The following ADPRHL1 variants were observed in gnomAD, a reference collection of about 807,000 sequenced individuals.
ADPRHL1 encodes the protein ADP-ribosylhydrolase like 1.
ADPRHL1 carries 43 observed loss-of-function variants against 44.1 expected under a neutral mutation model. The ratio of observed to expected loss-of-function variants is 0.98; its 90% CI spans 0.76 to 1.26. ADPRHL1 has a LOEUF of 1.26. ADPRHL1 is among the 50% of genes most tolerant of loss of function. The pLI, the probability that ADPRHL1 is intolerant of heterozygous loss-of-function variation, is 0.00. For synonymous variants in ADPRHL1, 878 were observed against 1,017.4 expected (o/e 0.86, Z 2.61); for missense variants, 2,022 against 2,496.9 (o/e 0.81, Z 4.05).
At chr13:113,449,877 G>A (rs2044167790) in intron 1 of ADPRHL1, among the ~76,000 whole-genome samples, 1 of 152,242 alleles carries the variant, frequency 6.6e-6, no homozygotes. Context: ...ACAGGGGCCA[G>A]ATTCTCTGGT....
intron 7 of ADPRHL1, among the ~76,000 whole-genome samples, chr13:113,418,569 A>ATG (rs1491292406): frequency 2.0e-5 from 3 of 152,218 alleles, no homozygotes; most frequent in Non-Finnish European, 4.4e-5. Flanking sequence ...AAGTCTAAAC[A>ATG]TGTGTGTGTT....
At chr13:113,438,750 C>T (rs1203676685) in intron 2 of ADPRHL1, among the ~76,000 whole-genome samples, 1 of 152,132 alleles carries the variant, frequency 6.6e-6, no homozygotes, top group Admixed American at 6.5e-5. Flanking sequence ...GCTGGAACTC[C>T]TGGGTCCAAG....
In ADPRHL1 at chr13:113,400,723, G is replaced by C. The variant is rs2043754791; in HGVS notation, c.*2655C>G. 1 of 152,244 alleles carries C rather than the reference G, an allele frequency of 6.6e-6. No individual in the cohort carries two copies. The allele number at this position is 152,244 out of a possible 1,614,324, so 9.4% of individuals were successfully genotyped here. A position where few individuals can be genotyped will look rare whatever the true frequency, so the allele number is the denominator to read the frequency against. ...GCAGTTTTTTCCTGCACACAGAGTA[G>C]CTGTGCTGTTTTTGAGCTGAGGGCA... On this transcript the variant is annotated 3_prime_UTR_variant, in exon 8 of 8. Transcript: ENST00000612156.
rs1257095454 is a variant in ADPRHL1, at chr13:113,408,092, G to A, written c.1190C>T (p.Thr397Met). Reference sequence around the variant, plus strand: ...CCCCGGGGGCCGGTCTGCGCGGCCCGTGACGTAGAGCAGCAGGCTGCTGAG... The same window carrying A: ...CCCCGGGGGCCGGTCTGCGCGGCCCATGACGTAGAGCAGCAGGCTGCTGAG... ...SILSSLLLYV[T>M]GRADRPPGTE... The change falls in exon 8 of 8, where the codon ACG becomes ATG. Residue 397 changes from threonine (T) to methionine (M), a missense_variant. Coordinates refer to ENST00000612156, the MANE Select transcript of ADPRHL1 (RefSeq NM_001394807.1). The A allele has an allele frequency of 3.2e-6, 4 of 1,231,890 alleles. No individual in the cohort carries two copies. The Admixed American group carries it at 1.3e-4, about 39-fold the overall frequency. The allele number at this position is 1,231,890 out of a possible 1,614,324, so 76.3% of individuals were successfully genotyped here.
chr13:113,444,910 A>G (rs1293153162), intron 1 of ADPRHL1, among the ~76,000 whole-genome samples: 3 of 152,188 alleles, frequency 2.0e-5, no homozygotes, highest in Non-Finnish European at 4.4e-5. Context: ...GGCGTGAGCC[A>G]CTGCACCCAG....
intron 7 of ADPRHL1, among the ~76,000 whole-genome samples, chr13:113,420,743 A>G (rs1225968017): frequency 6.6e-6 from 1 of 151,976 alleles, no homozygotes; most frequent in African/African-American, 2.4e-5. Context: ...TGCAGCATAG[A>G]AGGCCACGGA....
At position 113,405,396 on chromosome 13, in the gene ADPRHL1, C is replaced by G; in HGVS notation, c.3886G>C (p.Ala1296Pro). The G allele has an allele frequency of 8.1e-7, 1 of 1,231,986 alleles. No individual in the cohort carries two copies. The highest frequency in any genetic ancestry group is 4.1e-5 in the South Asian group (1 of 24,326). The allele number at this position is 1,231,986 out of a possible 1,614,324, so 76.3% of individuals were successfully genotyped here. A position where few individuals can be genotyped will look rare whatever the true frequency, so the allele number is the denominator to read the frequency against. The change falls in exon 8 of 8, where the codon GCA becomes CCA. Residue 1296 changes from alanine to proline, a missense_variant. Transcript: ENST00000612156. ...LPPSPPENPQ[A>P]KGREGVRFPR... ...AACCTGACGCCCTCCCTGCCCTTTG[C>G]CTGTGGGTTCTCAGGAGGCGACGGC...
At chr13:113,448,968 G>T in intron 1 of ADPRHL1, 1 of 985,708 alleles carries the variant, frequency 1.0e-6, no homozygotes, top group South Asian at 4.7e-5. Context: ...GTGCGAGGCC[G>T]CCCCTCCCCA....
In ADPRHL1 at chr13:113,433,769, C is replaced by G; in HGVS notation, c.478G>C (p.Gly160Arg). ...GTGGGATGGTTGTGGGTCATCCGGC[C>G]GCACTCCACGCTGACCTCGATGAGG... ...ETLIEVSVEC[G>R]RMTHNHPTGF... The change falls in exon 3 of 8, where the codon GGC (glycine) becomes CGC (arginine). Residue 160 changes from glycine to arginine, a missense_variant. By Grantham distance (125) the Gly-to-Arg change is moderately radical (BLOSUM62 -2). Around this residue, in one of 8 missense-constraint regions of ADPRHL1, gnomAD observed 437 missense variants for 430.7 expected, o/e 1.01. Coordinates refer to ENST00000612156, the MANE Select transcript of ADPRHL1 (RefSeq NM_001394807.1). 1 of 1,595,478 alleles carries G rather than the reference C, an allele frequency of 6.3e-7. No homozygotes were observed. Among genetic ancestry groups the G allele is most frequent in the Non-Finnish European group, 8.5e-7 (1 of 1,172,840 alleles).
chr13:113,408,793 C>A (rs1164683164), intron 7 of ADPRHL1, among the ~76,000 whole-genome samples: 2 of 135,912 alleles, frequency 1.5e-5, no homozygotes, highest in Non-Finnish European at 3.1e-5. Flanking sequence ...TCCTCACAAG[C>A]TCCTGGGCAG....
intron 2 of ADPRHL1, among the ~76,000 whole-genome samples, chr13:113,439,116 C>T (rs1036804258): frequency 6.7e-6 from 1 of 149,164 alleles, no homozygotes; most frequent in Admixed American, 6.7e-5. Flanking sequence ...ATTCTCTTTC[C>T]TTTTTTTTTT....
At chr13:113,433,624 G>A in intron 3 of ADPRHL1, 118 bp downstream of exon 3, 1 of 1,466,386 alleles carries the variant, frequency 6.8e-7, no homozygotes, top group Non-Finnish European at 9.1e-7. Flanking sequence ...AAGCAGACGT[G>A]CAGATGGCGG....
intron 7 of ADPRHL1, among the ~76,000 whole-genome samples, chr13:113,414,287 GGCCAACAGC>G (rs1566468485): frequency 6.6e-6 from 1 of 152,186 alleles, no homozygotes; most frequent in South Asian, 2.1e-4. Flanking sequence ...GGATGCCCTC[GGCCAACAGC>G]GCTTAGAAAA....
intron 7 of ADPRHL1, 190 bp downstream of exon 7, chr13:113,422,636 A>G: frequency 1.3e-6 from 1 of 747,368 alleles, no homozygotes; most frequent in Non-Finnish European, 2.1e-6. Context: ...ATATTCTCGC[A>G]GGACAAACAA....
rs1566459602 is a variant in ADPRHL1 at position 113,399,675 on chromosome 13, CAGAGAGAAT to C, written c.*3694_*3702del. 1 of 152,078 alleles carries C rather than the reference CAGAGAGAAT, an allele frequency of 6.6e-6. No homozygotes were observed. Among genetic ancestry groups the C allele is most frequent in the East Asian group, 1.9e-4 (1 of 5,200 alleles). 9.4% of individuals were successfully genotyped at this position (152,078 alleles called of 1,614,324 possible). The stretch of plus-strand genomic sequence containing the variant: ...CAGCTGAATGATGTTAGTAAAAATA[CAGAGAGAAT>C]ACAACAAATGACATTTAGTAATTTT... On this transcript the variant is annotated 3_prime_UTR_variant, in exon 8 of 8. Coordinates refer to ENST00000612156, the MANE Select transcript of ADPRHL1 (RefSeq NM_001394807.1).
Position 113,428,976 on chromosome 13 carries a change from T to C in ADPRHL1, c.622A>G (p.Arg208Gly), listed in dbSNP as rs190623578. ...RAVPLAEEYC[R>G]KTIRHTAEYQ... ...CCTGCCGTGTGCCGGATGGTCTTCC[T>C]GCAGTACTCTTCTGCCAGAGGCACC... The change falls in exon 4 of 8, where the codon AGG becomes GGG. Residue 208 changes from arginine to glycine, a missense_variant. Transcript: ENST00000612156. 3.7e-5 allele frequency: 60 copies of C among 1,612,770 alleles called. No homozygotes were observed. In the African/African-American group the frequency reaches 7.7e-4, roughly 21 times the overall value.
intron 4 of ADPRHL1, among the ~76,000 whole-genome samples, chr13:113,427,775 T>C (rs572632769): frequency 6.6e-6 from 1 of 152,360 alleles, no homozygotes; most frequent in East Asian, 1.9e-4. Flanking sequence ...AAGGAGGTAC[T>C]GACTGTGTGC....
chr13:113,433,644 G>GCCCCCCCCCC, intron 3 of ADPRHL1, 98 bp downstream of exon 3: 1 of 1,466,064 alleles, frequency 6.8e-7, no homozygotes, highest in South Asian at 1.3e-5. Context: ...GCAGCTCCAG[G>GCCCCCCCCCC]CCCCCGCCCC....
At position 113,441,514 on chromosome 13, in the gene ADPRHL1, T is replaced by G. The variant is rs535012742; in HGVS notation, c.379+2911A>C. On this transcript the variant is annotated intron_variant, in intron 2 of 7. Coordinates refer to ENST00000612156, the MANE Select transcript of ADPRHL1 (RefSeq NM_001394807.1). This position sits in a 1 kb window ranked among gnomAD's most constrained non-coding sequence, Gnocchi z 6.0. ...CATACACGGTGTGGGAACCTCACCG[T>G]CATCGGCTTCCATCTCTCCCCTGCT... 3.3e-5 allele frequency among the ~76,000 whole-genome samples: 5 copies of G among 152,336 alleles called. No individual in the cohort carries two copies. Among genetic ancestry groups the G allele is most frequent in the African/African-American group, 1.2e-4 (5 of 41,570 alleles).
Sources: gnomAD v4.1 joint callset for allele counts (sites outside exome capture counted in the v4.1 genomes callset) on GRCh38, gnomAD v4.1.1 for gene constraint, gnomAD v4.1.1 regional missense constraint, Gnocchi (gnomAD v3.1) non-coding constraint, MANE v1.5 for transcripts, NCBI Gene and HGNC (gene_info 2026-07-23, HGNC 2026-07-21) for gene names.